Variants in MIPEP observed in about 807,000 individuals in gnomAD.
MIPEP encodes mitochondrial intermediate peptidase.
A neutral mutation model predicts 90.3 loss-of-function variants in MIPEP; 79 were observed. That is an observed-to-expected ratio of 0.87 (90% CI 0.73 to 1.05). The LOEUF is 1.05. Ranked by LOEUF, MIPEP falls within the 50% of genes least tolerant of loss-of-function variation. The pLI is 0.00. For synonymous variants in MIPEP, 334 were observed against 315.8 expected (o/e 1.06, Z -0.61); for missense variants, 940 against 905.6 (o/e 1.04, Z -0.49).
At chr13:23,820,317 T>G (rs1953291105) in intron 14 of MIPEP, among the ~76,000 whole-genome samples, 1 of 152,208 alleles carries the variant, frequency 6.6e-6, no homozygotes, top group South Asian at 2.1e-4. Context: ...AACACCTTTC[T>G]TGGGGATTCC....
chr13:23,759,677 C>T (rs1487490316), intron 17 of MIPEP, among the ~76,000 whole-genome samples: 3 of 152,282 alleles, frequency 2.0e-5, no homozygotes, highest in Middle Eastern at 3.4e-3. Flanking sequence ...CCTACTTCCT[C>T]CCGACAATGC....
intron 18 of MIPEP, among the ~76,000 whole-genome samples, chr13:23,737,669 G>C (rs1952280502): frequency 3.9e-5 from 6 of 152,080 alleles, no homozygotes. Flanking sequence ...GGCCTCACCT[G>C]TTTAACCCTT....
intron 14 of MIPEP, among the ~76,000 whole-genome samples, chr13:23,811,424 G>A (rs1276155053): frequency 1.3e-5 from 2 of 152,088 alleles, no homozygotes; most frequent in South Asian, 2.1e-4. Context: ...AGAAAAATTT[G>A]GTTTATAGTT....
intron 16 of MIPEP, among the ~76,000 whole-genome samples, chr13:23,774,836 C>T (rs1952695172): frequency 8.3e-6 from 1 of 121,060 alleles, no homozygotes; most frequent in African/African-American, 3.2e-5. Flanking sequence ...CTCTTGTTGC[C>T]CAGGCTGAAG....
chr13:23,880,710 C>T (rs1303996216), intron 3 of MIPEP, among the ~76,000 whole-genome samples: 6 of 152,312 alleles, frequency 3.9e-5, no homozygotes, highest in South Asian at 2.1e-4. Context: ...TGTCCCATTA[C>T]GCAAGTTGGT....
intron 18 of MIPEP, among the ~76,000 whole-genome samples, chr13:23,743,032 A>G (rs566961324): frequency 2.6e-5 from 4 of 152,352 alleles, no homozygotes; most frequent in African/African-American, 9.6e-5. Context: ...TCACTCAAAT[A>G]TACAGCTGTC....
rs937575525 is a variant in MIPEP, at chr13:23,882,858, AT to A, written c.364-1072del. On this transcript the variant is annotated intron_variant, in intron 2 of 18. Transcript: ENST00000382172. Reference sequence around the variant, plus strand: ...AAAATGAGTTATGTAAATTTACAACATTTTTTTTTTACAAATTACTAATCTA... The same window carrying A: ...AAAATGAGTTATGTAAATTTACAACATTTTTTTTTACAAATTACTAATCTA... 2.7e-4 allele frequency among the ~76,000 whole-genome samples: 41 copies of A among 149,906 alleles called. No individual in the cohort carries two copies. In the East Asian group the frequency reaches 3.3e-3, roughly 12 times the overall value.
chr13:23,835,614 G>T (rs1869001891), intron 14 of MIPEP, among the ~76,000 whole-genome samples: 1 of 152,176 alleles, frequency 6.6e-6, no homozygotes, highest in East Asian at 1.9e-4. Flanking sequence ...GAATTGGAGG[G>T]AAGGGAAAGA....
chr13:23,759,556 C>A (rs1356228798), intron 17 of MIPEP, among the ~76,000 whole-genome samples: 1 of 152,030 alleles, frequency 6.6e-6, no homozygotes, highest in Non-Finnish European at 1.5e-5. Context: ...GAATCCCTCA[C>A]ACCCTCCAGG....
At chr13:23,876,570 T>G (rs947554294) in intron 4 of MIPEP, among the ~76,000 whole-genome samples, 2 of 150,634 alleles carry the variant, frequency 1.3e-5, no homozygotes, top group African/African-American at 4.9e-5. Flanking sequence ...ACAGAATCTT[T>G]TGCCCATTTT....
intron 16 of MIPEP, among the ~76,000 whole-genome samples, chr13:23,762,154 A>C (rs1481268969): frequency 6.6e-6 from 1 of 152,118 alleles, no homozygotes. Flanking sequence ...AAAATAAATA[A>C]ACAACTTTTT....
chr13:23,831,386 G>GGGA (rs1555237533), intron 14 of MIPEP, among the ~76,000 whole-genome samples: 1 of 69,414 alleles, frequency 1.4e-5, no homozygotes, highest in Non-Finnish European at 3.0e-5. Flanking sequence ...CCCATGGCGG[G>GGGA]GGGGGGATGT....
chr13:23,731,202 A>G (rs1319469328), intron 18 of MIPEP, among the ~76,000 whole-genome samples: 1 of 152,242 alleles, frequency 6.6e-6, no homozygotes, highest in Non-Finnish European at 1.5e-5. Context: ...GAAGGGTTGA[A>G]CAGGCTCTAT....
chr13:23,884,974 G>C (rs1871414614), intron 2 of MIPEP, among the ~76,000 whole-genome samples: 1 of 152,196 alleles, frequency 6.6e-6, no homozygotes, highest in South Asian at 2.1e-4. Context: ...TCCTGGAAAT[G>C]AGTATATCGA....
At position 23,805,965 on chromosome 13, in the gene MIPEP, T is replaced by C. The variant is rs146834617; in HGVS notation, c.1833A>G (p.Pro611=). ...KETQEKFYGL[P]YVPNTAWQLR... Reference sequence around the variant, plus strand: ...CTGGACTCACAGTATTTGGAACATATGGTAGGCCATAGAATTTCTCTTGTG... The same window carrying C: ...CTGGACTCACAGTATTTGGAACATACGGTAGGCCATAGAATTTCTCTTGTG... Residue 611 remains proline (P), a synonymous_variant, in exon 16 of 19, where the codon CCA becomes CCG. Coordinates refer to ENST00000382172, the MANE Select transcript of MIPEP (RefSeq NM_005932.4). 15 of 1,613,840 alleles carry C rather than the reference T, an allele frequency of 9.3e-6. No homozygotes were observed. Among genetic ancestry groups the C allele is most frequent in the East Asian group, 6.7e-5 (3 of 44,862 alleles).
chr13:23,823,113 G>T (rs7325723), intron 14 of MIPEP, among the ~76,000 whole-genome samples: 35,460 of 151,816 alleles, frequency 0.23, 4,888 homozygotes, highest in African/African-American at 0.38. Flanking sequence ...TCATTACAAT[G>T]ACTTGAAAAA....
At chr13:23,739,490 A>G (rs1313995339) in intron 18 of MIPEP, among the ~76,000 whole-genome samples, 1 of 152,250 alleles carries the variant, frequency 6.6e-6, no homozygotes, top group Non-Finnish European at 1.5e-5. Flanking sequence ...GACTGTTCTG[A>G]GCCTGAGAAA....
intron 1 of MIPEP, among the ~76,000 whole-genome samples, chr13:23,888,375 A>G (rs111595693): frequency 0.13 from 19,577 of 152,172 alleles, 1,372 homozygotes; most frequent in African/African-American, 0.15. Context: ...AAGGCAATAC[A>G]GTATAACGAA....
In MIPEP at chr13:23,769,325, T is replaced by G. The variant is rs1449132798; in HGVS notation, c.1849-9108A>C. Among the ~76,000 whole-genome samples, 6 of 152,208 alleles carry G rather than the reference T, an allele frequency of 3.9e-5. No homozygotes were observed. The East Asian group carries it at 1.2e-3, about 29-fold the overall frequency. ...GAGGCACACGACAAGAAGGGTTCTG[T>G]TTTTGTTTTCATGATAATCATAAGT... On this transcript the variant is annotated intron_variant, in intron 16 of 18. Transcript: ENST00000382172.
Sources: gnomAD v4.1 joint callset for allele counts (sites outside exome capture counted in the v4.1 genomes callset) on GRCh38, gnomAD v4.1.1 for gene constraint, MANE v1.5 for transcripts, NCBI Gene and HGNC (gene_info 2026-07-23, HGNC 2026-07-21) for gene names.